DAB2IP: variants seen among roughly 807,000 people sequenced by gnomAD.
The protein encoded by DAB2IP is DAB2 interacting protein, also known as disabled homolog 2-interacting protein.
In DAB2IP, 28 loss-of-function variants were observed where a neutral mutation model predicts 107.2. That is an observed-to-expected ratio of 0.26 (90% CI 0.19 to 0.36). The LOEUF (loss-of-function observed/expected upper bound fraction) is 0.36. DAB2IP is among the 10% of genes least tolerant of loss of function. The probability of loss-of-function intolerance (pLI) is 1.00; values close to 1 mark genes in which losing one functional copy is unlikely to be tolerated. For synonymous variants in DAB2IP, 755 were observed against 706.4 expected (o/e 1.07, Z -1.09); for missense variants, 1,400 against 1,644.7 (o/e 0.85, Z 2.57).
At chr9:121,705,446 A>G (rs990681875) in intron 3 of DAB2IP, among the ~76,000 whole-genome samples, 6 of 152,240 alleles carry the variant, frequency 3.9e-5, no homozygotes, top group Admixed American at 6.5e-5. Context: ...AGGCAATTGC[A>G]TATGATTCAA....
intron 1 of DAB2IP, chr9:121,598,267 C>T (rs7038469): frequency 0.38 from 58,358 of 152,220 alleles, 11,522 homozygotes; most frequent in East Asian, 0.57. Flanking sequence ...TCCCCAGCGG[C>T]CGAATTAACT....
At chr9:121,775,141 C>G (rs1034909331) in intron 13 of DAB2IP, among the ~76,000 whole-genome samples, 2 of 152,226 alleles carry the variant, frequency 1.3e-5, no homozygotes, top group Admixed American at 6.5e-5. Context: ...CTACTGCCAG[C>G]TGCAGTCCAT....
intron 1 of DAB2IP, among the ~76,000 whole-genome samples, chr9:121,585,563 G>A (rs1220617639): frequency 6.6e-6 from 1 of 152,150 alleles, no homozygotes; most frequent in Non-Finnish European, 1.5e-5. Flanking sequence ...GAATAAAAGA[G>A]TGCACAAGAT....
chr9:121,681,501 C>T (rs758410106), intron 2 of DAB2IP, among the ~76,000 whole-genome samples: 1 of 152,050 alleles, frequency 6.6e-6, no homozygotes, highest in African/African-American at 2.4e-5. Flanking sequence ...CCCACCTGCC[C>T]GGTTAGGGTC....
At chr9:121,578,722 CTTTTTTTTTTTTTT>C (rs749525264) in intron 1 of DAB2IP, among the ~76,000 whole-genome samples, 2 of 47,324 alleles carry the variant, frequency 4.2e-5, no homozygotes, top group African/African-American at 1.8e-4. Flanking sequence ...CGGCCTATGT[CTTTTTTTTTTTTTT>C]TTTTTTTTTT....
chr9:121,589,135 A>C (rs1830371839), intron 1 of DAB2IP, among the ~76,000 whole-genome samples: 1 of 151,932 alleles, frequency 6.6e-6, no homozygotes, highest in African/African-American at 2.4e-5. Context: ...ATATGATCGG[A>C]TCTGTGCTTT....
At position 121,609,885 on chromosome 9, in the gene DAB2IP, G is replaced by C. The variant is rs767978929; in HGVS notation, c.40+42657G>C. 5.3e-4 allele frequency among the ~76,000 whole-genome samples: 80 copies of C among 152,216 alleles called. 2 individuals carry two copies. The highest frequency in any genetic ancestry group is 8.2e-4 in the Non-Finnish European group (56 of 68,038). On this transcript the variant is annotated intron_variant, in intron 1 of 16. Coordinates refer to the DAB2IP transcript ENST00000259371. ...GCTCTGCAAGAATCCCAGTTTTGCA[G>C]CCTTGGCTCCTCCTGGGGCTGGGAG...
intron 3 of DAB2IP, among the ~76,000 whole-genome samples, chr9:121,743,872 C>CCTGGGATGCAGTCT (rs140376334): frequency 5.3e-5 from 8 of 152,148 alleles, no homozygotes; most frequent in African/African-American, 1.7e-4. Flanking sequence ...TCCGGAGCAC[C>CCTGGGATGCAGTCT]CTGCCCCTCT....
intron 1 of DAB2IP, among the ~76,000 whole-genome samples, chr9:121,676,631 A>G (rs2119130535): frequency 6.6e-6 from 1 of 151,682 alleles, no homozygotes; most frequent in East Asian, 1.9e-4. Flanking sequence ...GGAGTTCTGC[A>G]GACGCACACA....
At chr9:121,574,481 T>C (rs1001612378) in intron 1 of DAB2IP, among the ~76,000 whole-genome samples, 3 of 152,144 alleles carry the variant, frequency 2.0e-5, no homozygotes, top group African/African-American at 7.2e-5. Flanking sequence ...GGAGCCCTTC[T>C]ATAAGTGAAA....
intron 1 of DAB2IP, chr9:121,567,248 G>T (rs773087793): frequency 3.1e-6 from 5 of 1,613,868 alleles, no homozygotes; most frequent in African/African-American, 2.7e-5. Context: ...TGCCAGCAAA[G>T]TGCAGAGTTG....
At chr9:121,781,400 C>A in intron 14 of DAB2IP, 64 bp from the exon 15 acceptor site, 2 of 1,535,844 alleles carry the variant, frequency 1.3e-6, no homozygotes, top group South Asian at 2.2e-5. Flanking sequence ...TGGGCTTGTT[C>A]TCACACCCTC....
chr9:121,648,454 C>T (rs765209243), upstream of DAB2IP, among the ~76,000 whole-genome samples: 73 of 151,304 alleles, frequency 4.8e-4, no homozygotes, highest in Non-Finnish European at 9.0e-4. Context: ...GGGGTGCAAG[C>T]GGGAGGTGGT....
intron 1 of DAB2IP, among the ~76,000 whole-genome samples, chr9:121,626,735 C>A (rs1382103846): frequency 6.6e-6 from 1 of 152,098 alleles, no homozygotes; most frequent in Non-Finnish European, 1.5e-5. Flanking sequence ...GAAGAGAAAC[C>A]TTGACAGCAC....
chr9:121,583,292 G>A (rs1830243200), intron 1 of DAB2IP, among the ~76,000 whole-genome samples: 4 of 152,208 alleles, frequency 2.6e-5, no homozygotes. Flanking sequence ...TTGGGAGGCT[G>A]AGGCAAGAGA....
chr9:121,758,985 C>T, exon 5 of DAB2IP: 2 of 1,612,342 alleles, frequency 1.2e-6, no homozygotes, highest in Non-Finnish European at 1.7e-6. Context: ...GCGAGCGGTG[C>T]ATCCCAACAA....
intron 1 of DAB2IP, among the ~76,000 whole-genome samples, chr9:121,621,513 C>T (rs1291114774): frequency 5.9e-5 from 9 of 152,194 alleles, no homozygotes; most frequent in Admixed American, 5.9e-4. Flanking sequence ...GCCTTCCCCT[C>T]AGCCCGGTGC....
In DAB2IP at chr9:121,772,431, C is replaced by T. The variant is rs1380070467; in HGVS notation, c.2079-176C>T. Among the ~76,000 whole-genome samples, 1 of 152,166 alleles carries T rather than the reference C, an allele frequency of 6.6e-6. No homozygotes were observed. Among genetic ancestry groups the T allele is most frequent in the Non-Finnish European group, 1.5e-5 (1 of 68,024 alleles). Reference sequence around the variant, plus strand: ...TTCTGTGCAGGAGCAGCCGCCTCAGCCTCTGGTCCCCGGATTCTCCCACTC... The same window carrying T: ...TTCTGTGCAGGAGCAGCCGCCTCAGTCTCTGGTCCCCGGATTCTCCCACTC... On this transcript the variant is annotated intron_variant, in intron 11 of 15. Transcript: ENST00000408936. The surrounding 1 kb of genome is among the most constrained non-coding windows in gnomAD (Gnocchi z 4.7).
chr9:121,645,569 A>C (rs531829771), intron 1 of DAB2IP, among the ~76,000 whole-genome samples: 1 of 152,056 alleles, frequency 6.6e-6, no homozygotes, highest in South Asian at 2.1e-4. Flanking sequence ...TCACTTCCCC[A>C]TCTTCAGGAA....
Sources: allele counts gnomAD v4.1 joint callset (sites outside exome capture counted in the v4.1 genomes callset), GRCh38; gene constraint gnomAD v4.1.1; non-coding constraint Gnocchi (gnomAD v3.1); transcripts MANE v1.5; gene names NCBI Gene and HGNC (gene_info 2026-07-23, HGNC 2026-07-21).